The following COL11A1 variants were observed in gnomAD, a reference collection of about 807,000 sequenced individuals.
The protein encoded by COL11A1 is collagen type XI alpha 1 chain, also known as collagen alpha-1(XI) chain.
COL11A1 carries 74 observed loss-of-function variants against 265.2 expected under a neutral mutation model. The observed-to-expected ratio is 0.28, with a 90% CI of 0.23 to 0.34. The LOEUF is 0.34. Ranked by LOEUF, COL11A1 falls within the 10% of genes least tolerant of loss-of-function variation. The pLI is 1.00. For missense variants in COL11A1, 2,165 were observed against 2,263.6 expected (o/e 0.96, Z 0.88); for synonymous variants, 816 against 727.6 (o/e 1.12, Z -1.96).
chr1:102,967,919 A>G (rs1661602267), intron 37 of COL11A1, among the ~76,000 whole-genome samples: 1 of 152,216 alleles, frequency 6.6e-6, no homozygotes, highest in South Asian at 2.1e-4. Context: ...CAAAATTACA[A>G]CATAGACTTG....
At chr1:103,057,802 C>T (rs1348666675) in intron 4 of COL11A1, among the ~76,000 whole-genome samples, 1 of 152,088 alleles carries the variant, frequency 6.6e-6, no homozygotes, top group Non-Finnish European at 1.5e-5. Flanking sequence ...AACCATGATG[C>T]AAATGAATGT....
At chr1:102,973,152 T>A (rs539933814) in intron 36 of COL11A1, among the ~76,000 whole-genome samples, 1 of 152,094 alleles carries the variant, frequency 6.6e-6, no homozygotes, top group Non-Finnish European at 1.5e-5. Context: ...ACTAGAGAAA[T>A]GGGGTATTTT....
At chr1:102,986,273 T>C (rs1434912509) in intron 30 of COL11A1, among the ~76,000 whole-genome samples, 3 of 151,764 alleles carry the variant, frequency 2.0e-5, no homozygotes, top group Non-Finnish European at 4.4e-5. Context: ...GGGACATGGA[T>C]GAAGCTGGAA....
chr1:102,939,503 A>G (rs1658499181), intron 43 of COL11A1, among the ~76,000 whole-genome samples: 1 of 152,096 alleles, frequency 6.6e-6, no homozygotes. Flanking sequence ...GTTTAAGATC[A>G]GCCTAGGAAG....
intron 35 of COL11A1, among the ~76,000 whole-genome samples, chr1:102,976,028 A>G (rs1662430965): frequency 6.6e-6 from 1 of 152,036 alleles, no homozygotes. Flanking sequence ...AAAATTTTAA[A>G]CTCTTATTAA....
chr1:103,026,167 G>A, intron 6 of COL11A1, 49 bp downstream of exon 6: 4 of 1,354,304 alleles, frequency 3.0e-6, no homozygotes, highest in Non-Finnish European at 2.1e-6. Context: ...GGAACCACAG[G>A]ATGACGAACA....
chr1:102,913,698 A>T lies in COL11A1; in HGVS notation c.3979-8T>A. The T allele has an allele frequency of 1.2e-6, 2 of 1,612,988 alleles. No homozygotes were observed. The highest frequency in any genetic ancestry group is 1.7e-6 in the Non-Finnish European group (2 of 1,179,172). On this transcript the variant is annotated splice_region_variant and splice_polypyrimidine_tract_variant and intron_variant, in intron 52 of 66. Transcript: ENST00000370096. ...ACCAACACCATCTTGACCCTATAAG[A>T]GGCAATAAAATATGAAGCAAGATAT...
rs185560246 is a variant in COL11A1, at chr1:102,936,615, A to T, written c.3439-1502T>A. Among the ~76,000 whole-genome samples the T allele has an allele frequency of 7.6e-3, 1,152 of 152,294 alleles. 20 individuals are homozygous for T. Among genetic ancestry groups the T allele is most frequent in the African/African-American group, 0.026 (1,089 of 41,566 alleles). ...CTTCCCAATCTGAAAGTATTTTCCT[A>T]TGATATTAATATCGCATAAAGAATT... On this transcript the variant is annotated intron_variant, in intron 44 of 66. Transcript: ENST00000370096.
chr1:102,912,874 C>T (rs148849655), intron 53 of COL11A1, among the ~76,000 whole-genome samples: 270 of 152,274 alleles, frequency 1.8e-3, no homozygotes, highest in African/African-American at 5.7e-3. Context: ...GAAAGACATG[C>T]TTGCTTCGCC....
chr1:103,025,915 A>T, intron 6 of COL11A1: 3 of 1,612,706 alleles, frequency 1.9e-6, no homozygotes, highest in East Asian at 2.2e-5. Flanking sequence ...TTTAGTAGCC[A>T]CTGTCCTCAT....
intron 24 of COL11A1, among the ~76,000 whole-genome samples, chr1:102,999,663 TATG>T (rs750551832): frequency 1.3e-5 from 2 of 151,976 alleles, no homozygotes; most frequent in South Asian, 2.1e-4. Flanking sequence ...AAGCACAGGC[TATG>T]ATAAGTTAGT....
intron 4 of COL11A1, among the ~76,000 whole-genome samples, chr1:103,035,475 AT>A (rs1668293946): frequency 6.6e-6 from 1 of 152,116 alleles, no homozygotes; most frequent in Admixed American, 6.6e-5. Context: ...CATCTTCACG[AT>A]AAATTTTGTG....
At chr1:102,922,698 C>T (rs1656130591) in intron 47 of COL11A1, among the ~76,000 whole-genome samples, 2 of 152,160 alleles carry the variant, frequency 1.3e-5, no homozygotes, top group South Asian at 4.1e-4. Flanking sequence ...CGCTCCCGGC[C>T]AGCAAAGTTT....
rs144057762 is a variant in COL11A1, at chr1:102,980,119, C to T, written c.2557-684G>A. Among the ~76,000 whole-genome samples, 637 of 152,080 alleles carry T rather than the reference C, an allele frequency of 4.2e-3. 4 individuals are homozygous for T. The highest frequency in any genetic ancestry group is 0.015 in the African/African-American group (608 of 41,500). On this transcript the variant is annotated intron_variant, in intron 31 of 66. Coordinates refer to ENST00000370096, the MANE Select transcript of COL11A1 (RefSeq NM_001854.4). ...GTAAGTTTGGTACATTACTTATGCG[C>T]ATCAAGTATAGATTTTTCTTCTGCA... is the stretch of plus-strand genomic sequence containing the variant.
intron 1 of COL11A1, among the ~76,000 whole-genome samples, chr1:103,095,200 A>G (rs1169337990): frequency 1.3e-5 from 2 of 152,106 alleles, no homozygotes; most frequent in African/African-American, 4.8e-5. Context: ...TATTGGATAT[A>G]GATGACCTAG....
chr1:102,947,028 A>G, intron 41 of COL11A1, 72 bp from the exon 42 acceptor site: 1 of 1,209,168 alleles, frequency 8.3e-7, no homozygotes, highest in Non-Finnish European at 1.2e-6. Flanking sequence ...TTATTTAACA[A>G]TAGCTTCTTA....
chr1:102,946,787 A>C, intron 42 of COL11A1, 62 bp downstream of exon 42: 1 of 1,306,356 alleles, frequency 7.7e-7, no homozygotes, highest in Non-Finnish European at 1.1e-6. Context: ...ATATTATTGA[A>C]TAAAAAGTAA....
intron 57 of COL11A1, among the ~76,000 whole-genome samples, chr1:102,896,071 T>C (rs1046293019): frequency 2.6e-5 from 4 of 151,992 alleles, no homozygotes; most frequent in Non-Finnish European, 5.9e-5. Context: ...TAAAAGTGAT[T>C]TACAAGCAAT....
intron 5 of COL11A1, among the ~76,000 whole-genome samples, chr1:103,030,409 A>G (rs1470326516): frequency 6.6e-6 from 1 of 152,106 alleles, no homozygotes; most frequent in African/African-American, 2.4e-5. Context: ...ATTTTGACCC[A>G]TTGTAAACAG....
Sources: gnomAD v4.1 joint callset for allele counts (sites outside exome capture counted in the v4.1 genomes callset) on GRCh38, gnomAD v4.1.1 for gene constraint, MANE v1.5 for transcripts, NCBI Gene and HGNC (gene_info 2026-07-23, HGNC 2026-07-21) for gene names.